RPL9: variants seen among roughly 807,000 people sequenced by gnomAD.
RPL9 encodes the protein large ribosomal subunit protein uL6.
For synonymous variants in RPL9, 82 were observed against 77.1 expected, an observed-to-expected ratio of 1.06 and a Z score of -0.33; for missense variants, 149 against 236.7, an observed-to-expected ratio of 0.63 and a Z score of 2.43.
chr4:39,457,939 A>G, intron 3 of RPL9: 1 of 633,704 alleles, frequency 1.6e-6, no homozygotes, highest in South Asian at 1.8e-5. Flanking sequence ...CAAAGCAATC[A>G]CTAGGAAAAT....
chr4:39,454,734 T>A, intron 6 of RPL9, 85 bp from the exon 7 acceptor site: 2 of 1,453,614 alleles, frequency 1.4e-6, no homozygotes, highest in Non-Finnish European at 1.9e-6. Flanking sequence ...GTACTTAAAA[T>A]TTCAGAATGT....
At chr4:39,454,674 TA>T in intron 6 of RPL9, 25 bp from the exon 7 acceptor site, 1 of 1,589,914 alleles carries the variant, frequency 6.3e-7, no homozygotes, top group Non-Finnish European at 8.6e-7. Flanking sequence ...ATAAAGCAAT[TA>T]ATACATCAGC....
Position 39,454,961 on chromosome 4 carries a change from C to T in RPL9, c.392-17G>A, listed in dbSNP as rs1744028763. On this transcript the variant is annotated splice_polypyrimidine_tract_variant and intron_variant, in intron 5 of 7. Coordinates refer to ENST00000295955, the MANE Select transcript of RPL9 (RefSeq NM_000661.5). ...AAGCAACACCTAAAAGGGGAGAGGG[C>T]ATTTGCACAGCATCAAATCTGTGTA... 6.2e-7 allele frequency: 1 copy of T among 1,602,564 alleles called. No homozygotes were observed. The highest frequency in any genetic ancestry group is 1.3e-5 in the African/African-American group (1 of 74,608).
At chr4:39,458,476 G>A in intron 1 of RPL9, 36 bp from the exon 2 acceptor site, 1 of 1,610,496 alleles carries the variant, frequency 6.2e-7, no homozygotes, top group Non-Finnish European at 8.5e-7. Context: ...GCCGACGCAA[G>A]GCCCGTTTTT....
Position 39,454,626 on chromosome 4 carries a change from T to C in RPL9, c.496A>G (p.Thr166Ala). 1 of 1,612,984 alleles carries C rather than the reference T, an allele frequency of 6.2e-7. No individual in the cohort carries two copies. Among genetic ancestry groups the C allele is most frequent in the East Asian group, 2.2e-5 (1 of 44,802 alleles). The change falls in exon 7 of 8, where the codon ACA becomes GCA. Residue 166 changes from threonine to alanine, a missense_variant. Physicochemically the swap from Thr to Ala is moderately conservative, Grantham distance 58. Coordinates refer to ENST00000295955, the MANE Select transcript of RPL9 (RefSeq NM_000661.5). ...NSAALIQQATTVKNKDIRKFL... is the reference protein window; with the variant it reads ...NSAALIQQATAVKNKDIRKFL... ...TTCCTGATATCCTTGTTTTTAACTG[T>C]TGTGGCTTGCTGAATCAAAGCCGCT...
chr4:39,455,953 C>A, intron 5 of RPL9: 1 of 229,356 alleles, frequency 4.4e-6, no homozygotes, highest in South Asian at 5.5e-5. Flanking sequence ...CTATTAACCA[C>A]TACTCATGTA....
intron 4 of RPL9, chr4:39,456,801 T>C: frequency 2.5e-6 from 1 of 393,298 alleles, no homozygotes; most frequent in East Asian, 5.2e-5. Flanking sequence ...CCCAAAGCCC[T>C]GATCTTAGAC....
At chr4:39,458,350 G>A (rs769765144) in intron 2 of RPL9, 41 bp from the exon 3 acceptor site, 3 of 1,613,832 alleles carry the variant, frequency 1.9e-6, no homozygotes, top group Non-Finnish European at 1.7e-6. Context: ...ACAACGCTTG[G>A]AACGTGCAGT....
At position 39,458,834 on chromosome 4, in the gene RPL9, C is replaced by T. The variant is rs552022019; in HGVS notation, c.-2+57G>A. Reference sequence around the variant, plus strand: ...GAGTGGGAGCCGCGCCGCAGCCTTTCCCAGAGCAGATGGTTTCAGATTCCC... The same window carrying T: ...GAGTGGGAGCCGCGCCGCAGCCTTTTCCAGAGCAGATGGTTTCAGATTCCC... On this transcript the variant is annotated intron_variant, in intron 1 of 7. Coordinates refer to ENST00000295955, the MANE Select transcript of RPL9 (RefSeq NM_000661.5). The T allele has an allele frequency of 4.3e-6, 3 of 692,608 alleles. No homozygotes were observed. In the East Asian group the frequency reaches 8.3e-5, roughly 19 times the overall value. The allele number at this position is 692,608 out of a possible 1,614,324, so 42.9% of individuals were successfully genotyped here.
chr4:39,457,518 C>T (rs897273596), intron 4 of RPL9, 68 bp downstream of exon 4: 32 of 1,264,830 alleles, frequency 2.5e-5, no homozygotes, highest in Middle Eastern at 2.5e-4. Flanking sequence ...GAGACACTTA[C>T]GCTGTATAAA....
intron 5 of RPL9, 120 bp downstream of exon 5, chr4:39,456,285 TG>T: frequency 9.6e-7 from 1 of 1,046,256 alleles, no homozygotes; most frequent in Non-Finnish European, 1.5e-6. Context: ...AAAACAAATC[TG>T]GTTTTACTCA....
chr4:39,458,102 C>A, intron 3 of RPL9, 92 bp downstream of exon 3: 1 of 1,268,430 alleles, frequency 7.9e-7, no homozygotes, highest in Non-Finnish European at 1.1e-6. Flanking sequence ...AGCACTGAAC[C>A]TTAATTCGAA....
intron 4 of RPL9, 135 bp from the exon 5 acceptor site, chr4:39,456,673 A>C (rs1269892058): frequency 1.1e-6 from 1 of 938,436 alleles, no homozygotes; most frequent in Non-Finnish European, 1.6e-6. Flanking sequence ...TGTCACCTGA[A>C]CCAAGCCTTA....
chr4:39,454,373 T>C lies in RPL9; in HGVS notation c.*11-148A>G, dbSNP rs1744005506. ...TCATAGTAAACTATACGTAGTAAAATGCATGCCAATTCCATCTTTTATTCT... is the reference window on the plus strand; with the variant it reads ...TCATAGTAAACTATACGTAGTAAAACGCATGCCAATTCCATCTTTTATTCT... On this transcript the variant is annotated intron_variant, in intron 7 of 7. Transcript: ENST00000295955. 13 of 607,620 alleles carry C rather than the reference T, an allele frequency of 2.1e-5. No homozygotes were observed. In the East Asian group the frequency reaches 3.4e-4, roughly 16 times the overall value. 37.6% of individuals were successfully genotyped at this position (607,620 alleles called of 1,614,324 possible). A position where few individuals can be genotyped will look rare whatever the true frequency, so the allele number is the denominator to read the frequency against.
chr4:39,455,145 C>G (rs1469937337), intron 5 of RPL9: 2 of 500,448 alleles, frequency 4.0e-6, no homozygotes, highest in African/African-American at 2.0e-5. Context: ...GTCAGGAGAT[C>G]GAAACCATCC....
chr4:39,457,313 G>T (rs1201890652), intron 4 of RPL9: 1 of 286,340 alleles, frequency 3.5e-6, no homozygotes, highest in African/African-American at 2.2e-5. Flanking sequence ...AGGATCACTT[G>T]AGCTCAGCCT....
intron 3 of RPL9, 22 bp from the exon 4 acceptor site, chr4:39,457,703 A>T (rs1316169586): frequency 6.3e-7 from 1 of 1,591,860 alleles, no homozygotes; most frequent in East Asian, 2.2e-5. Flanking sequence ...CAAAAAATGT[A>T]TTCTTTCCAG....
chr4:39,454,375 C>T (rs1744005707), intron 7 of RPL9, 150 bp from the exon 8 acceptor site: 2 of 608,530 alleles, frequency 3.3e-6, no homozygotes, highest in East Asian at 2.9e-5. Flanking sequence ...TAGTAAAATG[C>T]ATGCCAATTC....
rs771618498 is a variant in RPL9 at position 39,458,430 on chromosome 4, T to C, written c.10A>G (p.Ile4Val). ...ATGTCGACAGTCTGATTGCTGAGAA[T>C]AGTCTTCATTCTGAAACACAAACAC... MKT[I>V]LSNQTVDIPE... is the part of the protein sequence containing the mutation. The change falls in exon 2 of 8, where the codon ATT becomes GTT. Residue 4 changes from isoleucine to valine, a missense_variant. Physicochemically the swap from Ile to Val is conservative, Grantham distance 29. Coordinates refer to ENST00000295955, the MANE Select transcript of RPL9 (RefSeq NM_000661.5). The C allele has an allele frequency of 1.9e-5, 30 of 1,614,114 alleles. No homozygotes were observed. Among genetic ancestry groups the C allele is most frequent in the Non-Finnish European group, 1.4e-5 (16 of 1,180,052 alleles).
Sources: gnomAD v4.1 joint callset for allele counts on GRCh38, gnomAD v4.1.1 for gene constraint, MANE v1.5 for transcripts, NCBI Gene and HGNC (gene_info 2026-07-23, HGNC 2026-07-21) for gene names.